The following RNF13 variants were observed in gnomAD, a reference collection of about 807,000 sequenced individuals.
The protein encoded by RNF13 is E3 ubiquitin-protein ligase RNF13.
RNF13 carries 19 observed loss-of-function variants against 37.7 expected under a neutral mutation model. The ratio of observed to expected loss-of-function variants is 0.50; its 90% CI spans 0.35 to 0.74. RNF13 has a LOEUF of 0.74. Among genes scored for constraint, RNF13 ranks in the 30% least tolerant of loss-of-function variants. RNF13 has a pLI of 0.01. For missense variants in RNF13, 375 were observed against 453.0 expected (o/e 0.83, Z 1.56); for synonymous variants, 144 against 157.8 (o/e 0.91, Z 0.65).
At chr3:149,848,855 C>T (rs985055832) in intron 2 of RNF13, among the ~76,000 whole-genome samples, 1 of 152,120 alleles carries the variant, frequency 6.6e-6, no homozygotes, top group East Asian at 1.9e-4. Flanking sequence ...TAGTCTATAG[C>T]TGACTAGACT....
intron 8 of RNF13, chr3:149,939,500 G>A (rs1401567690): frequency 2.3e-5 from 13 of 576,626 alleles, no homozygotes; most frequent in East Asian, 1.3e-4. Flanking sequence ...CACTTCAACC[G>A]TAAGATCACC....
chr3:149,847,600 T>G (rs1180822583), intron 2 of RNF13, among the ~76,000 whole-genome samples: 3 of 152,124 alleles, frequency 2.0e-5, no homozygotes, highest in Non-Finnish European at 4.4e-5. Context: ...TGATTAGGTT[T>G]GTTTTGGGGA....
At chr3:149,853,455 GGAGAGAGAGAGAGAGA>G (rs397842025) in intron 3 of RNF13, among the ~76,000 whole-genome samples, 38 of 117,298 alleles carry the variant, frequency 3.2e-4, no homozygotes, top group South Asian at 1.7e-3. Flanking sequence ...AGAGAGAGAG[GGAGAGAGAGAGAGAGA>G]GAGAGAGAGA....
intron 7 of RNF13, among the ~76,000 whole-genome samples, chr3:149,914,826 T>A (rs1199809412): frequency 6.6e-6 from 1 of 151,870 alleles, no homozygotes; most frequent in Non-Finnish European, 1.5e-5. Context: ...TAATCCCAGC[T>A]ACTCGGGAGG....
intron 2 of RNF13, among the ~76,000 whole-genome samples, chr3:149,846,671 T>G (rs951981197): frequency 6.6e-6 from 1 of 152,202 alleles, no homozygotes; most frequent in African/African-American, 2.4e-5. Context: ...ACCTGATAAA[T>G]AATGTTGCTC....
At chr3:149,842,805 T>C (rs1722303462) in intron 1 of RNF13, among the ~76,000 whole-genome samples, 1 of 152,226 alleles carries the variant, frequency 6.6e-6, no homozygotes, top group African/African-American at 2.4e-5. Context: ...AAATTACGTA[T>C]GGAAACCCAA....
chr3:149,955,616 C>G (rs1291485325), intron 8 of RNF13, among the ~76,000 whole-genome samples: 3 of 152,078 alleles, frequency 2.0e-5, no homozygotes, highest in Non-Finnish European at 2.9e-5. Context: ...GAAAAAAAAG[C>G]TGCTATTGTT....
intron 8 of RNF13, among the ~76,000 whole-genome samples, chr3:149,952,419 C>T (rs553315801): frequency 4.6e-5 from 7 of 152,066 alleles, no homozygotes; most frequent in South Asian, 2.1e-4. Flanking sequence ...GTAACTGAAA[C>T]GGACAGGTTT....
At chr3:149,892,291 T>C (rs376970166) in intron 4 of RNF13, among the ~76,000 whole-genome samples, 23 of 152,354 alleles carry the variant, frequency 1.5e-4, no homozygotes, top group African/African-American at 5.5e-4. Context: ...ATATTTCTCC[T>C]AAGTTGCTTG....
intron 8 of RNF13, among the ~76,000 whole-genome samples, chr3:149,933,265 T>C (rs549322471): frequency 2.2e-4 from 33 of 149,696 alleles, no homozygotes; most frequent in Admixed American, 1.9e-3. Flanking sequence ...TTTTGAGGCT[T>C]TTTTTTTTTT....
chr3:149,945,968 A>C (rs1720735981), intron 8 of RNF13, among the ~76,000 whole-genome samples: 1 of 152,230 alleles, frequency 6.6e-6, no homozygotes. Context: ...AGATGGGGAA[A>C]AAACAGAGCA....
intron 3 of RNF13, among the ~76,000 whole-genome samples, chr3:149,861,560 G>T (rs1312100964): frequency 6.6e-6 from 1 of 152,130 alleles, no homozygotes; most frequent in Non-Finnish European, 1.5e-5. Flanking sequence ...TCACTCATTT[G>T]TAGGAGCTAA....
intron 3 of RNF13, among the ~76,000 whole-genome samples, chr3:149,855,197 T>C (rs1336563583): frequency 6.6e-6 from 1 of 152,182 alleles, no homozygotes; most frequent in Non-Finnish European, 1.5e-5. Context: ...CGCAAGCCTG[T>C]GGTCTCAGCT....
chr3:149,927,038 C>A (rs1718724549), intron 8 of RNF13, among the ~76,000 whole-genome samples: 1 of 152,150 alleles, frequency 6.6e-6, no homozygotes, highest in Non-Finnish European at 1.5e-5. Context: ...CCATTTTAAT[C>A]ATTTTAAAGT....
At chr3:149,933,901 G>A (rs1044050323) in intron 8 of RNF13, among the ~76,000 whole-genome samples, 1 of 152,012 alleles carries the variant, frequency 6.6e-6, no homozygotes, top group African/African-American at 2.4e-5. Context: ...GTTTCTTGAT[G>A]GAGTTTTCTT....
At chr3:149,868,414 A>T (rs892680929) in intron 3 of RNF13, among the ~76,000 whole-genome samples, 1 of 151,544 alleles carries the variant, frequency 6.6e-6, no homozygotes, top group South Asian at 2.1e-4. Flanking sequence ...AACTCTCTCA[A>T]CTTTTGTTTA....
intron 8 of RNF13, among the ~76,000 whole-genome samples, chr3:149,955,309 C>T (rs1198441146): frequency 6.6e-6 from 1 of 151,538 alleles, no homozygotes; most frequent in Non-Finnish European, 1.5e-5. Flanking sequence ...TTTACTCTAG[C>T]TATTAAAGAC....
At chr3:149,944,027 A>C (rs1478983142) in intron 8 of RNF13, among the ~76,000 whole-genome samples, 3 of 151,770 alleles carry the variant, frequency 2.0e-5, no homozygotes, top group African/African-American at 7.3e-5. Context: ...TGTTCTCATC[A>C]TTCAGTTCCC....
At chr3:149,910,220 C>G (rs1263294531) in intron 6 of RNF13, among the ~76,000 whole-genome samples, 1 of 152,140 alleles carries the variant, frequency 6.6e-6, no homozygotes, top group Non-Finnish European at 1.5e-5. Flanking sequence ...AGCTGGCTGG[C>G]CTCGTGCTGG....
Sources: allele counts gnomAD v4.1 joint callset (sites outside exome capture counted in the v4.1 genomes callset), GRCh38; gene constraint gnomAD v4.1.1; transcripts MANE v1.5; gene names NCBI Gene and HGNC (gene_info 2026-07-23, HGNC 2026-07-21).